RDX: variants seen among roughly 807,000 people sequenced by gnomAD.
RDX encodes deafness, autosomal recessive 24.
A neutral mutation model predicts 83.7 loss-of-function variants in RDX; 32 were observed. The observed-to-expected ratio is 0.38, with a 90% CI of 0.29 to 0.51. The LOEUF (loss-of-function observed/expected upper bound fraction) is 0.51, where lower values mean the gene tolerates loss of function less well. RDX is among the 20% of genes least tolerant of loss of function. The pLI is 0.87. For missense variants in RDX, 600 were observed against 689.9 expected (o/e 0.87, Z 1.46); for synonymous variants, 229 against 222.7 (o/e 1.03, Z -0.25).
At chr11:110,176,442 C>T (rs958807977) in intron 15 of RDX, among the ~76,000 whole-genome samples, 2 of 152,148 alleles carry the variant, frequency 1.3e-5, no homozygotes, top group Admixed American at 6.5e-5. Flanking sequence ...CCCATCATCT[C>T]CTGGCTCTGA....
intron 9 of RDX, 57 bp from the exon 10 acceptor site, chr11:110,247,890 G>T: frequency 6.6e-7 from 1 of 1,513,794 alleles, no homozygotes; most frequent in African/African-American, 1.4e-5. Context: ...TTATTCATGT[G>T]ATGGAATACT....
At chr11:110,282,430 ACTG>A (rs1389402619) in intron 1 of RDX, among the ~76,000 whole-genome samples, 3 of 152,050 alleles carry the variant, frequency 2.0e-5, no homozygotes, top group African/African-American at 7.2e-5. Context: ...ATATGAAAAG[ACTG>A]CTAACTAATT....
chr11:110,240,242 T>C (rs181389846), intron 10 of RDX, among the ~76,000 whole-genome samples: 1 of 152,314 alleles, frequency 6.6e-6, no homozygotes, highest in Non-Finnish European at 1.5e-5. Context: ...TGCAGCAATA[T>C]GGATGGAACT....
chr11:110,223,573 G>C (rs566691510), intron 14 of RDX, among the ~76,000 whole-genome samples: 1 of 151,808 alleles, frequency 6.6e-6, no homozygotes, highest in African/African-American at 2.4e-5. Flanking sequence ...CCATCTACCT[G>C]TAACTTAGAT....
chr11:110,281,310 T>C (rs1457920866), intron 1 of RDX, among the ~76,000 whole-genome samples: 4 of 152,016 alleles, frequency 2.6e-5, no homozygotes, highest in African/African-American at 9.7e-5. Context: ...TCAGAGGAAA[T>C]TTCCTCCTGA....
chr11:110,176,393 C>T (rs1390185988), intron 15 of RDX, among the ~76,000 whole-genome samples: 1 of 152,092 alleles, frequency 6.6e-6, no homozygotes. Context: ...CCCCAGAGCC[C>T]ATCCAGGCAG....
intron 1 of RDX, among the ~76,000 whole-genome samples, chr11:110,285,072 A>G (rs948449973): frequency 6.6e-6 from 1 of 152,142 alleles, no homozygotes; most frequent in Admixed American, 6.5e-5. Flanking sequence ...CAATTTAGTG[A>G]TTAATGGAAA....
intron 2 of RDX, among the ~76,000 whole-genome samples, chr11:110,278,506 T>A (rs898711697): frequency 6.6e-6 from 1 of 152,158 alleles, no homozygotes; most frequent in Non-Finnish European, 1.5e-5. Context: ...TATTACTAAG[T>A]GTGTCATGTT....
chr11:110,188,338 C>T (rs1031740587), intron 15 of RDX, among the ~76,000 whole-genome samples: 13 of 113,870 alleles, frequency 1.1e-4, no homozygotes, highest in African/African-American at 2.0e-4. Context: ...ATAATAATAA[C>T]AATAATAATG....
chr11:110,231,915 C>T lies in RDX; in HGVS notation c.1706G>A (p.Arg569Gln), dbSNP rs780179741. The T allele has an allele frequency of 1.9e-6, 3 of 1,613,438 alleles. No homozygotes were observed. Among genetic ancestry groups the T allele is most frequent in the Non-Finnish European group, 2.5e-6 (3 of 1,179,994 alleles). ...RDKYKTLRQI[R>Q]QGNTKQRIDE... The stretch of plus-strand genomic sequence containing the variant: ...GATACGCTGCTTTGTATTGCCTTGT[C>T]GAATCTGTCGCAGAGTCTTGTACTT... Residue 569 changes from arginine (R) to glutamine (Q), a missense_variant, in exon 14 of 14, where the codon CGA (arginine) becomes CAA (glutamine). By Grantham distance (43) the Arg-to-Gln change is conservative (BLOSUM62 1). Transcript: ENST00000645495.
At chr11:110,238,546 TA>T (rs1160260218) in intron 10 of RDX, among the ~76,000 whole-genome samples, 7 of 152,240 alleles carry the variant, frequency 4.6e-5, no homozygotes, top group African/African-American at 2.4e-5. Context: ...ATTTGAAAGC[TA>T]ACTGTAACTT....
chr11:110,242,900 A>C (rs2134327561), intron 10 of RDX, among the ~76,000 whole-genome samples: 1 of 151,616 alleles, frequency 6.6e-6, no homozygotes, highest in Admixed American at 6.6e-5. Flanking sequence ...GTTTTACTGG[A>C]ACATAGCCAC....
chr11:110,237,581 G>C lies in RDX; in HGVS notation c.1162C>G (p.Arg388Gly). Residue 388 changes from arginine (R) to glycine (G), a missense_variant, in exon 11 of 14, where the codon CGA becomes GGA. Physicochemically the swap from Arg to Gly is moderately radical, Grantham distance 125 (BLOSUM62 -2). Coordinates refer to ENST00000645495, the MANE Select transcript of RDX (RefSeq NM_002906.4). Reference protein sequence around the residue: ...ERKRAKEEAERLEKERRAAEE... With the variant: ...ERKRAKEEAEGLEKERRAAEE... ...GCAGCTCGACGCTCCTTTTCAAGTC[G>C]TTCTGCTTCTTCTTTTGCTCGTTTT... is the stretch of plus-strand genomic sequence containing the variant. The C allele has an allele frequency of 6.2e-7, 1 of 1,614,056 alleles. No homozygotes were observed. Among genetic ancestry groups the C allele is most frequent in the Non-Finnish European group, 8.5e-7 (1 of 1,180,002 alleles).
intron 3 of RDX, 60 bp downstream of exon 3, chr11:110,272,476 G>T: frequency 9.4e-7 from 1 of 1,069,014 alleles, no homozygotes; most frequent in Non-Finnish European, 1.4e-6. Flanking sequence ...CAGAGAAAGA[G>T]GTATGCAACA....
intron 1 of RDX, among the ~76,000 whole-genome samples, chr11:110,284,625 A>G (rs896445122): frequency 1.5e-4 from 22 of 151,306 alleles, no homozygotes; most frequent in Middle Eastern, 3.4e-3. Flanking sequence ...GATTTACACC[A>G]TTCTCCTGCC....
At chr11:110,282,635 T>C (rs1860808837) in intron 1 of RDX, among the ~76,000 whole-genome samples, 1 of 152,094 alleles carries the variant, frequency 6.6e-6, no homozygotes. Context: ...AAATACTAAA[T>C]GACATAGGAA....
At chr11:110,248,921 T>C (rs964343315) in intron 9 of RDX, among the ~76,000 whole-genome samples, 6 of 152,214 alleles carry the variant, frequency 3.9e-5, no homozygotes, top group Non-Finnish European at 7.4e-5. Flanking sequence ...TCCATTAGAA[T>C]GACAGTAGGT....
At chr11:110,224,984 A>T (rs1468090895), downstream of RDX, among the ~76,000 whole-genome samples, 1 of 152,180 alleles carries the variant, frequency 6.6e-6, no homozygotes, top group African/African-American at 2.4e-5. Flanking sequence ...CTCAAATCAA[A>T]TTAAAACATC....
At chr11:110,186,733 C>T in intron 15 of RDX, among the ~76,000 whole-genome samples, 1 of 152,124 alleles carries the variant, frequency 6.6e-6, no homozygotes, top group East Asian at 1.9e-4. Flanking sequence ...TTCATTTCTC[C>T]CAAGCCCTGG....
Sources: gnomAD v4.1 joint callset for allele counts (sites outside exome capture counted in the v4.1 genomes callset) on GRCh38, gnomAD v4.1.1 for gene constraint, MANE v1.5 for transcripts, NCBI Gene and HGNC (gene_info 2026-07-23, HGNC 2026-07-21) for gene names.